The following GRM5 variants were observed in gnomAD, a reference collection of about 807,000 sequenced individuals.
GRM5 encodes the protein metabotropic glutamate receptor 5.
Under a neutral mutation model 83.1 loss-of-function variants are expected in GRM5, and 19 were observed. The observed-to-expected ratio is 0.23, with a 90% CI of 0.16 to 0.34. GRM5 has a LOEUF of 0.34. GRM5 is among the 10% of genes least tolerant of loss of function. The pLI, the probability that GRM5 is intolerant of heterozygous loss-of-function variation, is 1.00. For missense variants in GRM5, 1,160 were observed against 1,588.3 expected (o/e 0.73, Z 4.58); for synonymous variants, 675 against 633.6 (o/e 1.07, Z -0.98).
At chr11:88,786,670 C>T (rs1012728573) in intron 3 of GRM5, among the ~76,000 whole-genome samples, 4 of 152,160 alleles carry the variant, frequency 2.6e-5, no homozygotes, top group Non-Finnish European at 5.9e-5. Context: ...ATCATCTTCT[C>T]ATTAAGGACA....
intron 4 of GRM5, among the ~76,000 whole-genome samples, chr11:88,616,150 T>TA (rs1938474467): frequency 6.6e-6 from 1 of 152,164 alleles, no homozygotes; most frequent in Admixed American, 6.6e-5. Flanking sequence ...AAGCATTTGA[T>TA]AAAATAAATT....
In GRM5 at chr11:88,675,923, G is replaced by C. The variant is rs558018116; in HGVS notation, c.912-22520C>G. Among the ~76,000 whole-genome samples, 51 of 152,128 alleles carry C rather than the reference G, an allele frequency of 3.4e-4. 1 individual carries two copies. In the South Asian group the frequency reaches 0.01, roughly 30 times the overall value. On this transcript the variant is annotated intron_variant, in intron 3 of 9. Transcript: ENST00000305447. ...CAGAAATAACAGATGGCCATATTGA[G>C]AGTCTAAGCATTCTCACACGTAAGA...
chr11:88,640,864 A>G (rs950893539), intron 4 of GRM5, among the ~76,000 whole-genome samples: 1 of 152,164 alleles, frequency 6.6e-6, no homozygotes, highest in Non-Finnish European at 1.5e-5. Context: ...TTGGGAGGCT[A>G]TCTGAACCCT....
At chr11:88,973,924 A>C (rs1345635958) in intron 2 of GRM5, among the ~76,000 whole-genome samples, 8 of 152,304 alleles carry the variant, frequency 5.3e-5, no homozygotes, top group Non-Finnish European at 1.5e-5. Flanking sequence ...TAGAAGATTA[A>C]GTAAAGGTTA....
intron 3 of GRM5, among the ~76,000 whole-genome samples, chr11:88,761,583 T>C (rs1339655337): frequency 6.6e-6 from 1 of 151,992 alleles, no homozygotes; most frequent in African/African-American, 2.4e-5. Flanking sequence ...TCATTCCATG[T>C]TGATGAATAA....
chr11:88,720,809 T>TGTGTGA (rs1555001338), intron 3 of GRM5, among the ~76,000 whole-genome samples: 1 of 134,488 alleles, frequency 7.4e-6, no homozygotes, highest in Non-Finnish European at 1.6e-5. Context: ...TGTGTGTGTG[T>TGTGTGA]GTGTGTGTGT....
chr11:89,064,888 C>CTCTCTG (rs1218318990), intron 1 of GRM5, among the ~76,000 whole-genome samples: 17 of 62,264 alleles, frequency 2.7e-4, no homozygotes, highest in East Asian at 4.9e-4. Flanking sequence ...CTCTCTCTCT[C>CTCTCTG]TGTGTGTGTG....
At chr11:88,700,426 C>T (rs1169328533) in intron 3 of GRM5, among the ~76,000 whole-genome samples, 1 of 152,074 alleles carries the variant, frequency 6.6e-6, no homozygotes, top group Non-Finnish European at 1.5e-5. Context: ...ATAGTTACTG[C>T]CACTTTCAAA....
Position 88,653,143 on chromosome 11 carries a change from TAAATG to T in GRM5, c.1147+20_1147+24del. 4.4e-6 allele frequency: 6 copies of T among 1,372,688 alleles called. No homozygotes were observed. Among genetic ancestry groups the T allele is most frequent in the Non-Finnish European group, 3.1e-6 (3 of 961,642 alleles). The allele number at this position is 1,372,688 out of a possible 1,614,324, so 85.0% of individuals were successfully genotyped here. A position where few individuals can be genotyped will look rare whatever the true frequency, so the allele number is the denominator to read the frequency against. On this transcript the variant is annotated intron_variant, in intron 4 of 9. Coordinates refer to ENST00000305447, the MANE Select transcript of GRM5 (RefSeq NM_001143831.3). Reference sequence around the variant, plus strand: ...ATTGGAACCTTAGCCTTATGCATTTTAAATGAAATAATAAATCTGCTTACTATTGC... The same window carrying T: ...ATTGGAACCTTAGCCTTATGCATTTTAAATAATAAATCTGCTTACTATTGC...
intron 1 of GRM5, among the ~76,000 whole-genome samples, chr11:89,058,242 A>C (rs1941917458): frequency 6.6e-6 from 1 of 152,202 alleles, no homozygotes; most frequent in South Asian, 2.1e-4. Flanking sequence ...TCCTAGCATC[A>C]TTTAGATAAG....
At chr11:88,952,114 A>G (rs1175095679) in intron 2 of GRM5, among the ~76,000 whole-genome samples, 3 of 58,318 alleles carry the variant, frequency 5.1e-5, no homozygotes, top group Non-Finnish European at 1.5e-4. Context: ...CACCATGTGC[A>G]CATACAAACA....
At chr11:88,706,280 A>G (rs1400305629) in intron 3 of GRM5, among the ~76,000 whole-genome samples, 1 of 152,032 alleles carries the variant, frequency 6.6e-6, no homozygotes, top group East Asian at 1.9e-4. Context: ...AGCAGTCCCT[A>G]AGCCCTCACC....
intron 3 of GRM5, among the ~76,000 whole-genome samples, chr11:88,798,861 G>A (rs1943337026): frequency 6.8e-6 from 1 of 147,948 alleles, no homozygotes; most frequent in South Asian, 2.1e-4. Context: ...TGCAACAGTG[G>A]AGCTTATTTT....
At chr11:88,878,573 A>C (rs1316333293) in intron 2 of GRM5, among the ~76,000 whole-genome samples, 2 of 152,204 alleles carry the variant, frequency 1.3e-5, no homozygotes, top group Non-Finnish European at 2.9e-5. Flanking sequence ...ATATTCTCAC[A>C]CAAGGCAATA....
intron 4 of GRM5, among the ~76,000 whole-genome samples, chr11:88,652,137 A>G (rs1006298384): frequency 6.6e-6 from 1 of 152,106 alleles, no homozygotes; most frequent in Non-Finnish European, 1.5e-5. Flanking sequence ...AACTTATCAG[A>G]GCAAGTATTT....
chr11:88,819,349 T>C (rs1943746396), intron 3 of GRM5, among the ~76,000 whole-genome samples: 2 of 152,230 alleles, frequency 1.3e-5, no homozygotes. Flanking sequence ...GATTGTGCAG[T>C]AGATATGCTA....
At chr11:88,548,449 T>A (rs1942430660) in intron 8 of GRM5, among the ~76,000 whole-genome samples, 1 of 152,136 alleles carries the variant, frequency 6.6e-6, no homozygotes, top group African/African-American at 2.4e-5. Context: ...ATTAAAAAAA[T>A]CCACTGTAAT....
chr11:88,516,965 C>CTTAATATTTCCAGATTAAGATATTTTG (rs1289608830), intron 9 of GRM5, among the ~76,000 whole-genome samples: 32 of 151,930 alleles, frequency 2.1e-4, no homozygotes, highest in African/African-American at 7.5e-4. Flanking sequence ...AAGATATTTC[C>CTTAATATTTCCAGATTAAGATATTTTG]TTAATATTTC....
At chr11:88,730,844 A>T (rs1352273176) in intron 3 of GRM5, among the ~76,000 whole-genome samples, 1 of 152,110 alleles carries the variant, frequency 6.6e-6, no homozygotes, top group African/African-American at 2.4e-5. Flanking sequence ...CAGGGAGGGG[A>T]ACACCATACA....
Sources: allele counts gnomAD v4.1 joint callset (sites outside exome capture counted in the v4.1 genomes callset), GRCh38; gene constraint gnomAD v4.1.1; transcripts MANE v1.5; gene names NCBI Gene and HGNC (gene_info 2026-07-23, HGNC 2026-07-21).